Variants in GALNT3 observed in about 807,000 individuals in gnomAD.
GALNT3 encodes the protein polypeptide N-acetylgalactosaminyltransferase 3.
GALNT3 carries 51 observed loss-of-function variants against 69.8 expected under a neutral mutation model. That is an observed-to-expected ratio of 0.73 (90% CI 0.58 to 0.92). GALNT3 has a LOEUF of 0.92. Ranked by LOEUF, GALNT3 falls within the 40% of genes least tolerant of loss-of-function variation. GALNT3 has a pLI of 0.00. For missense variants in GALNT3, 711 were observed against 760.0 expected, an observed-to-expected ratio of 0.94 and a Z score of 0.76; for synonymous variants, 265 against 248.5, an observed-to-expected ratio of 1.07 and a Z score of -0.63.
rs369132397 is a variant in GALNT3, at chr2:165,755,077, A to G, written c.1393-14T>C. 1.9e-6 allele frequency: 3 copies of G among 1,606,504 alleles called. No individual in the cohort carries two copies. The African/African-American group carries it at 4.0e-5, about 21-fold the overall frequency. On this transcript the variant is annotated splice_polypyrimidine_tract_variant and intron_variant, in intron 7 of 10. Transcript: ENST00000392701. ...ACCAAATGCTTTCTGTAGAAACATG[A>G]GAAATGAAGGGAATGCTTAATTAAA...
In GALNT3 at chr2:165,781,965, C is replaced by T. The variant is rs142529103; in HGVS notation, c.-108-11157G>A. On this transcript the variant is annotated intron_variant, in intron 1 of 10. Coordinates refer to ENST00000392701, the MANE Select transcript of GALNT3 (RefSeq NM_004482.4). ...TAGCTACATACCAAATGCCAGGGGCCATGTGGTTTGATAAAGATATTACAT... is the reference window on the plus strand; with the variant it reads ...TAGCTACATACCAAATGCCAGGGGCTATGTGGTTTGATAAAGATATTACAT... Among the ~76,000 whole-genome samples, 45 of 152,156 alleles carry T rather than the reference C, an allele frequency of 3.0e-4. No homozygotes were observed. The East Asian group carries it at 8.1e-3, about 27-fold the overall frequency.
At chr2:165,783,650 G>A (rs1379473479) in intron 1 of GALNT3, among the ~76,000 whole-genome samples, 1 of 152,106 alleles carries the variant, frequency 6.6e-6, no homozygotes, top group African/African-American at 2.4e-5. Context: ...GTACAAAAAA[G>A]ACAATTTGTA....
chr2:165,784,047 G>C (rs1344598487), intron 1 of GALNT3, among the ~76,000 whole-genome samples: 1 of 152,018 alleles, frequency 6.6e-6, no homozygotes, highest in Non-Finnish European at 1.5e-5. Context: ...GTAAAATTTG[G>C]GTTGGAAATA....
At chr2:165,782,305 C>A (rs1683126500) in intron 1 of GALNT3, among the ~76,000 whole-genome samples, 1 of 151,698 alleles carries the variant, frequency 6.6e-6, no homozygotes, top group Admixed American at 6.6e-5. Flanking sequence ...TTTCCCTGGG[C>A]CACATTAGAA....
Position 165,764,964 on chromosome 2 carries a change from C to T in GALNT3, c.608G>A (p.Arg203Lys), listed in dbSNP as rs756998144. Reference protein sequence around the residue: ...FHNEAWSTLLRTVHSVLYSSP... With the variant: ...FHNEAWSTLLKTVHSVLYSSP... ...AGAATAGAGCACACTGTGGACAGTT[C>T]TAAGCAACGTGGACCACGCTTCATT... The change falls in exon 3 of 11, where the codon AGA (arginine) becomes AAA (lysine). Residue 203 changes from arginine to lysine, a missense_variant. Physicochemically the swap from Arg to Lys is conservative, Grantham distance 26. Transcript: ENST00000392701. 1.9e-5 allele frequency: 31 copies of T among 1,614,070 alleles called. No individual in the cohort carries two copies. The highest frequency in any genetic ancestry group is 2.6e-5 in the Non-Finnish European group (31 of 1,180,022).
intron 1 of GALNT3, among the ~76,000 whole-genome samples, chr2:165,778,447 T>C (rs1416743513): frequency 3.3e-5 from 5 of 152,208 alleles, no homozygotes; most frequent in Non-Finnish European, 7.3e-5. Context: ...GAAAGTTTAA[T>C]ACAATCTGGT....
intron 6 of GALNT3, among the ~76,000 whole-genome samples, chr2:165,758,089 G>T (rs941249736): frequency 5.3e-5 from 8 of 152,064 alleles, no homozygotes; most frequent in Admixed American, 6.6e-5. Flanking sequence ...ATACTGAAAT[G>T]AATAAACAAG....
chr2:165,761,592 T>C (rs1449910073), intron 4 of GALNT3, among the ~76,000 whole-genome samples: 1 of 146,984 alleles, frequency 6.8e-6, no homozygotes, highest in Non-Finnish European at 1.5e-5. Context: ...ACAAACACTT[T>C]TTTTTTTAAC....
chr2:165,770,091 G>A, intron 2 of GALNT3, 95 bp downstream of exon 2: 1 of 1,403,408 alleles, frequency 7.1e-7, no homozygotes, highest in Admixed American at 1.8e-5. Flanking sequence ...TTCTGCCTTA[G>A]AGTAGCTAAA....
chr2:165,761,460 C>T (rs975091414), intron 4 of GALNT3, among the ~76,000 whole-genome samples: 10 of 152,212 alleles, frequency 6.6e-5, no homozygotes, highest in East Asian at 1.9e-4. Flanking sequence ...GATTCACCAA[C>T]GCCGGCCTCC....
In GALNT3 at chr2:165,749,856, G is replaced by A. The variant is rs945605902; in HGVS notation, c.1665C>T (p.Asn555=). 1.9e-6 allele frequency: 3 copies of A among 1,613,494 alleles called. No individual in the cohort carries two copies. Among genetic ancestry groups the A allele is most frequent in the South Asian group, 2.2e-5 (2 of 91,068 alleles). ...CATGAAGACATAATTCCTTCTGGATGTTGTGCCGAATTTCATGTTGAGCAG... is the reference window on the plus strand; with the variant it reads ...CATGAAGACATAATTCCTTCTGGATATTGTGCCGAATTTCATGTTGAGCAG... ...EYSAQHEIRH[N]IQKELCLHAA... Residue 555 remains asparagine (N), a synonymous_variant, in exon 10 of 11, where the codon AAC becomes AAT. Transcript: ENST00000392701.
intron 1 of GALNT3, chr2:165,771,423 T>C (rs553199796): frequency 1.2e-4 from 19 of 152,332 alleles, no homozygotes; most frequent in African/African-American, 4.6e-4. Flanking sequence ...TTTGTTGTTA[T>C]ATAACAGCTA....
At chr2:165,787,333 G>T (rs1043467948) in intron 1 of GALNT3, among the ~76,000 whole-genome samples, 19 of 152,276 alleles carry the variant, frequency 1.2e-4, no homozygotes, top group African/African-American at 4.6e-4. Context: ...AAGATTGGTG[G>T]AGCTGGAGCA....
At position 165,793,105 on chromosome 2, in the gene GALNT3, G is replaced by A. The variant is rs79624426; in HGVS notation, c.-109+910C>T. Reference sequence around the variant, plus strand: ...AAGGAAATAAAAGTCTAAGGTAAGCGCCAGTTTCACCCTCAATTCTTAGGC... The same window carrying A: ...AAGGAAATAAAAGTCTAAGGTAAGCACCAGTTTCACCCTCAATTCTTAGGC... On this transcript the variant is annotated intron_variant, in intron 1 of 10. Transcript: ENST00000392701. Among the ~76,000 whole-genome samples, 1,442 of 152,164 alleles carry A rather than the reference G, an allele frequency of 9.5e-3. 10 individuals are homozygous for A. Among genetic ancestry groups the A allele is most frequent in the African/African-American group, 0.021 (874 of 41,528 alleles).
Position 165,790,370 on chromosome 2 carries a change from T to C in GALNT3, c.-109+3645A>G, listed in dbSNP as rs144800744. Among the ~76,000 whole-genome samples the C allele has an allele frequency of 4.5e-3, 678 of 152,334 alleles. 5 individuals carry two copies. Among genetic ancestry groups the C allele is most frequent in the African/African-American group, 0.016 (660 of 41,584 alleles). On this transcript the variant is annotated intron_variant, in intron 1 of 10. Coordinates refer to ENST00000392701, the MANE Select transcript of GALNT3 (RefSeq NM_004482.4). ...GTCTCTTGCCACTGCTGGAATTGAT[T>C]TGAATTCAGTTTTCCCCCTTAGTGT...
At chr2:165,765,466 T>C (rs1688621110) in intron 2 of GALNT3, among the ~76,000 whole-genome samples, 3 of 152,068 alleles carry the variant, frequency 2.0e-5, no homozygotes, top group African/African-American at 7.2e-5. Context: ...TTTTTCATAT[T>C]TGCAACTTTA....
intron 1 of GALNT3, among the ~76,000 whole-genome samples, chr2:165,776,151 C>T (rs1688842587): frequency 6.6e-6 from 1 of 151,990 alleles, no homozygotes; most frequent in African/African-American, 2.4e-5. Flanking sequence ...CCAAAAGATA[C>T]ACAATAAATA....
intron 1 of GALNT3, among the ~76,000 whole-genome samples, chr2:165,787,215 T>C (rs1447339058): frequency 6.6e-6 from 1 of 152,210 alleles, no homozygotes; most frequent in East Asian, 1.9e-4. Context: ...AAACTGGAAT[T>C]TGAAGACTGC....
intron 2 of GALNT3, among the ~76,000 whole-genome samples, chr2:165,769,320 C>T (rs1052875344): frequency 1.7e-4 from 25 of 148,062 alleles, no homozygotes; most frequent in African/African-American, 5.7e-4. Context: ...ACTGGAGAAT[C>T]GCTTGAACCC....
Sources: allele counts gnomAD v4.1 joint callset (sites outside exome capture counted in the v4.1 genomes callset), GRCh38; gene constraint gnomAD v4.1.1; transcripts MANE v1.5; gene names NCBI Gene and HGNC (gene_info 2026-07-23, HGNC 2026-07-21).